The following OLFM2 variants were observed in gnomAD, a reference collection of about 807,000 sequenced individuals.
The protein encoded by OLFM2 is olfactomedin 2.
In OLFM2, 20 loss-of-function variants were observed where a neutral mutation model predicts 43.9. The ratio of observed to expected loss-of-function variants is 0.46; its 90% CI spans 0.32 to 0.66. OLFM2 has a LOEUF of 0.66. Among genes scored for constraint, OLFM2 ranks in the 30% least tolerant of loss-of-function variants. The pLI, the probability that OLFM2 is intolerant of heterozygous loss-of-function variation, is 0.04. For missense variants in OLFM2, 416 were observed against 643.6 expected, an observed-to-expected ratio of 0.65 and a Z score of 3.83; for synonymous variants, 268 against 278.6, an observed-to-expected ratio of 0.96 and a Z score of 0.38.
Position 9,887,918 on chromosome 19 carries a change from T to C in OLFM2, c.64-27124A>G, listed in dbSNP as rs141332661. On this transcript the variant is annotated intron_variant, in intron 1 of 5. Coordinates refer to ENST00000264833, the MANE Select transcript of OLFM2 (RefSeq NM_058164.4). ...AGTGGTGGCATGTGTCTGTAGTCCCTTCTACACAGGAGGCTGAAGTGGGAG... is the reference window on the plus strand; with the variant it reads ...AGTGGTGGCATGTGTCTGTAGTCCCCTCTACACAGGAGGCTGAAGTGGGAG... 3.3e-5 allele frequency among the ~76,000 whole-genome samples: 5 copies of C among 152,134 alleles called. No individual in the cohort carries two copies. In the East Asian group the frequency reaches 9.7e-4, roughly 30 times the overall value.
rs191016168 is a variant in OLFM2, at chr19:9,916,565, T to G, written c.63+19739A>C. ...AGCAGGGAAGTGGGGGCCCAGGTTT[T>G]GAAACCAGGACTGTCTGATTTCAGA... On this transcript the variant is annotated intron_variant, in intron 1 of 5. Coordinates refer to ENST00000264833, the MANE Select transcript of OLFM2 (RefSeq NM_058164.4). Among the ~76,000 whole-genome samples, 128 of 152,280 alleles carry G rather than the reference T, an allele frequency of 8.4e-4. 2 individuals carry two copies. Among genetic ancestry groups the G allele is most frequent in the Middle Eastern group, 3.4e-3 (1 of 294 alleles).
At chr19:9,920,847 C>A (rs2086414927) in intron 1 of OLFM2, among the ~76,000 whole-genome samples, 2 of 151,224 alleles carry the variant, frequency 1.3e-5, no homozygotes, top group Non-Finnish European at 2.9e-5. Context: ...GCAGAGGTTG[C>A]TGTGAGCAGA....
intron 1 of OLFM2, among the ~76,000 whole-genome samples, chr19:9,917,647 C>T (rs1478635879): frequency 6.6e-6 from 1 of 152,142 alleles, no homozygotes; most frequent in Non-Finnish European, 1.5e-5. Context: ...CAGTAGCTTT[C>T]TGCTGTAGCT....
chr19:9,875,274 CA>C (rs1278881982), intron 1 of OLFM2, among the ~76,000 whole-genome samples: 10 of 152,150 alleles, frequency 6.6e-5, no homozygotes, highest in African/African-American at 2.4e-4. Flanking sequence ...ATCTTTCTAG[CA>C]AGATGGGGTT....
intron 1 of OLFM2, among the ~76,000 whole-genome samples, chr19:9,899,245 A>G (rs1023817443): frequency 6.6e-6 from 1 of 151,764 alleles, no homozygotes; most frequent in Non-Finnish European, 1.5e-5. Context: ...AGCCTGGGCA[A>G]CAGAATGAGA....
chr19:9,900,988 A>AGGG (rs2046729450), intron 1 of OLFM2, among the ~76,000 whole-genome samples: 5 of 28,402 alleles, frequency 1.8e-4, no homozygotes, highest in African/African-American at 3.9e-4. Context: ...GGAAGGAAGG[A>AGGG]AGGGAGGGAG....
intron 1 of OLFM2, among the ~76,000 whole-genome samples, chr19:9,885,399 C>T (rs1328841514): frequency 1.3e-5 from 2 of 152,200 alleles, no homozygotes; most frequent in Non-Finnish European, 1.5e-5. Flanking sequence ...CTGTGATTGG[C>T]ACAAATGCCT....
chr19:9,918,402 G>C (rs2086399332), intron 1 of OLFM2, among the ~76,000 whole-genome samples: 1 of 151,742 alleles, frequency 6.6e-6, no homozygotes, highest in South Asian at 2.1e-4. Context: ...ATGTTGCCCG[G>C]GCTGGTCTCA....
In OLFM2 at chr19:9,857,126, TTAGG is replaced by T. The variant is rs556171189; in HGVS notation, c.580+133_580+136del. ...CCAGCTTCTGGACTCAAGTGTAGCC[TTAGG>T]TAGGAAGGTCAAGGGTTGAGGTTTA... On this transcript the variant is annotated intron_variant, in intron 4 of 5. Coordinates refer to ENST00000264833, the MANE Select transcript of OLFM2 (RefSeq NM_058164.4). This position sits in a 1 kb window ranked among gnomAD's most constrained non-coding sequence, Gnocchi z 5.7. 272 of 921,606 alleles carry T rather than the reference TTAGG, an allele frequency of 3.0e-4. 4 individuals carry two copies. In the South Asian group the frequency reaches 3.7e-3, roughly 12 times the overall value. The allele number at this position is 921,606 out of a possible 1,614,324, so 57.1% of individuals were successfully genotyped here.
intron 1 of OLFM2, among the ~76,000 whole-genome samples, chr19:9,922,237 T>C (rs1017434060): frequency 1.3e-5 from 2 of 151,298 alleles, no homozygotes; most frequent in Admixed American, 6.6e-5. Flanking sequence ...TTTATAGTTA[T>C]GTAAAATATG....
chr19:9,886,137 G>A lies in OLFM2; in HGVS notation c.64-25343C>T, dbSNP rs547792351. 9.2e-5 allele frequency among the ~76,000 whole-genome samples: 14 copies of A among 151,700 alleles called. No homozygotes were observed. The South Asian group carries it at 2.7e-3, about 29-fold the overall frequency. The stretch of plus-strand genomic sequence containing the variant: ...AAAGTGCTGGAAACTTACGTCTCTA[G>A]TTCTGCTTCTCAGGAACCCAACCTA... On this transcript the variant is annotated intron_variant, in intron 1 of 5. Coordinates refer to ENST00000264833, the MANE Select transcript of OLFM2 (RefSeq NM_058164.4).
Position 9,854,531 on chromosome 19 carries a change from C to T in OLFM2, c.1020G>A (p.Gln340=), listed in dbSNP as rs1210338819. Residue 340 remains glutamine, a synonymous_variant, in exon 6 of 6, where the codon CAG becomes CAA. Transcript: ENST00000264833. This position sits in a 1 kb window ranked among gnomAD's most constrained non-coding sequence, Gnocchi z 9.5. ...GGCTGACCACGATGTTGCCCGCGTT[C>T]TGGTTGGTGGTGTACACAGCCCAGA... The part of the protein sequence containing the change: ...SGLWAVYTTN[Q]NAGNIVVSRL... 5 of 1,613,754 alleles carry T rather than the reference C, an allele frequency of 3.1e-6. No homozygotes were observed. The highest frequency in any genetic ancestry group is 1.3e-5 in the African/African-American group (1 of 74,934).
chr19:9,884,362 G>A (rs924905949), intron 1 of OLFM2, among the ~76,000 whole-genome samples: 8 of 151,586 alleles, frequency 5.3e-5, no homozygotes, highest in Non-Finnish European at 1.2e-4. Flanking sequence ...CGGATCACAA[G>A]GTCAGGAGTT....
intron 1 of OLFM2, among the ~76,000 whole-genome samples, chr19:9,933,679 C>T (rs1400046467): frequency 1.3e-5 from 2 of 151,696 alleles, no homozygotes; most frequent in Non-Finnish European, 2.9e-5. Flanking sequence ...CCTCAGCCTC[C>T]CTAGTAGCTG....
At position 9,856,534 on chromosome 19, in the gene OLFM2, T is replaced by C. The variant is rs940815050; in HGVS notation, c.687+273A>G. ...AGGGCATTGGTCATTGGGTAGTTAC[T>C]TGGACGTCAGTAGTCCCTGAGAACT... is the stretch of plus-strand genomic sequence containing the variant. On this transcript the variant is annotated intron_variant, in intron 5 of 5. Coordinates refer to ENST00000264833, the MANE Select transcript of OLFM2 (RefSeq NM_058164.4). The surrounding 1 kb of genome is among the most constrained non-coding windows in gnomAD (Gnocchi z 4.0). Among the ~76,000 whole-genome samples, 52 of 152,252 alleles carry C rather than the reference T, an allele frequency of 3.4e-4. No homozygotes were observed. The highest frequency in any genetic ancestry group is 1.3e-3 in the African/African-American group (52 of 41,474).
chr19:9,931,722 A>AAAG (rs1555729846), intron 1 of OLFM2, among the ~76,000 whole-genome samples: 20 of 151,676 alleles, frequency 1.3e-4, no homozygotes, highest in African/African-American at 4.6e-4. Context: ...AATAAAAAAA[A>AAAG]AAAAAGAAAT....
intron 1 of OLFM2, among the ~76,000 whole-genome samples, chr19:9,876,179 G>A (rs1364851944): frequency 1.1e-4 from 16 of 152,180 alleles, no homozygotes. Flanking sequence ...TTCTGGCCTG[G>A]ATATAAATTT....
chr19:9,864,898 TG>T (rs759415835), intron 1 of OLFM2, among the ~76,000 whole-genome samples: 2 of 150,528 alleles, frequency 1.3e-5, no homozygotes, highest in Non-Finnish European at 3.0e-5. Flanking sequence ...CTCAAAGTGC[TG>T]GTATTACAGG....
intron 1 of OLFM2, among the ~76,000 whole-genome samples, chr19:9,876,973 T>C (rs1309263816): frequency 6.6e-6 from 1 of 152,102 alleles, no homozygotes; most frequent in East Asian, 1.9e-4. Flanking sequence ...CTCACACCTG[T>C]AATCCCAACA....
Sources: allele counts gnomAD v4.1 joint callset (sites outside exome capture counted in the v4.1 genomes callset), GRCh38; gene constraint gnomAD v4.1.1; non-coding constraint Gnocchi (gnomAD v3.1); transcripts MANE v1.5; gene names NCBI Gene and HGNC (gene_info 2026-07-23, HGNC 2026-07-21).